Variants in ZSCAN5A observed in about 807,000 individuals in gnomAD.
The protein encoded by ZSCAN5A is zinc finger and SCAN domain-containing protein 5A.
In ZSCAN5A, 12 loss-of-function variants were observed where a neutral mutation model predicts 23.7. The ratio of observed to expected loss-of-function variants is 0.51; its 90% confidence interval spans 0.32 to 0.82. The LOEUF (loss-of-function observed/expected upper bound fraction) is 0.82, where lower values mean the gene tolerates loss of function less well. Ranked by LOEUF, ZSCAN5A falls within the 40% of genes least tolerant of loss-of-function variation. The pLI is 0.03. For synonymous variants in ZSCAN5A, 257 were observed against 239.9 expected (o/e 1.07, Z -0.66); for missense variants, 597 against 617.9 (o/e 0.97, Z 0.36).
intron 2 of ZSCAN5A, chr19:56,283,544 C>G (rs1314919252): frequency 6.6e-6 from 1 of 152,102 alleles, no homozygotes; most frequent in Non-Finnish European, 1.5e-5. Context: ...TCAGTGATAC[C>G]GAGAAAGGTG....
chr19:56,345,171 T>C (rs1250148827), intron 2 of ZSCAN5A, among the ~76,000 whole-genome samples: 1 of 152,138 alleles, frequency 6.6e-6, no homozygotes, highest in Non-Finnish European at 1.5e-5. Context: ...ATTACTTTAA[T>C]AATAATTTTA....
chr19:56,224,570 G>C (rs920030735), intron 3 of ZSCAN5A, 93 bp downstream of exon 3: 43 of 1,484,942 alleles, frequency 2.9e-5, no homozygotes, highest in Middle Eastern at 2.5e-4. Flanking sequence ...CCCTGACCTA[G>C]AGCAGCCCCT....
intron 2 of ZSCAN5A, among the ~76,000 whole-genome samples, chr19:56,329,471 G>A (rs575951506): frequency 1.1e-3 from 170 of 151,948 alleles, no homozygotes; most frequent in Non-Finnish European, 2.1e-3. Context: ...GAGAGTTATA[G>A]TATTAAGTAT....
chr19:56,273,807 C>A (rs942722628), intron 2 of ZSCAN5A, among the ~76,000 whole-genome samples: 1 of 152,046 alleles, frequency 6.6e-6, no homozygotes, highest in Non-Finnish European at 1.5e-5. Context: ...ATGTTATCCT[C>A]AGGGAAAAGG....
chr19:56,244,302 T>A, intron 2 of ZSCAN5A: 1 of 1,610,030 alleles, frequency 6.2e-7, no homozygotes, highest in Non-Finnish European at 8.5e-7. Flanking sequence ...CTGGACATGC[T>A]GGTGATGGAG....
At chr19:56,346,707 T>A (rs936849285) in intron 2 of ZSCAN5A, among the ~76,000 whole-genome samples, 2 of 151,646 alleles carry the variant, frequency 1.3e-5, no homozygotes, top group African/African-American at 4.9e-5. Flanking sequence ...ATTACTTTTT[T>A]TTATTTTTTA....
chr19:56,337,486 C>T (rs538558902), intron 2 of ZSCAN5A, among the ~76,000 whole-genome samples: 1 of 152,336 alleles, frequency 6.6e-6, no homozygotes, highest in African/African-American at 2.4e-5. Context: ...TCTGTTACCC[C>T]TTTCTTTGAC....
chr19:56,321,957 C>T (rs1246380924), intron 2 of ZSCAN5A: 1 of 780,592 alleles, frequency 1.3e-6, no homozygotes, highest in Non-Finnish European at 2.4e-6. Flanking sequence ...AGATATCTCA[C>T]ACCACCATGG....
chr19:56,282,051 T>G (rs1231346643), intron 2 of ZSCAN5A, among the ~76,000 whole-genome samples: 1 of 152,184 alleles, frequency 6.6e-6, no homozygotes, highest in African/African-American at 2.4e-5. Context: ...TGCTCTAGAA[T>G]GTACACCTGG....
intron 2 of ZSCAN5A, chr19:56,342,594 C>A: frequency 2.5e-6 from 1 of 401,288 alleles, no homozygotes; most frequent in Non-Finnish European, 5.0e-6. Context: ...CAGAAGCTGA[C>A]TCTGAACATC....
At position 56,366,312 on chromosome 19, in the gene ZSCAN5A, G is replaced by A. The variant is rs575184842; in HGVS notation, c.-522+1897C>T. ...AAAAAATTAGCTGGGTGTGGTGGCG[G>A]ATGCCTGTAGTCCCAGCTACTCGGG... On this transcript the variant is annotated intron_variant, in intron 1 of 6. Coordinates refer to the ZSCAN5A transcript ENST00000587340. 3.1e-3 allele frequency among the ~76,000 whole-genome samples: 469 copies of A among 151,534 alleles called. 1 individual carries two copies. Among genetic ancestry groups the A allele is most frequent in the African/African-American group, 0.011 (448 of 41,296 alleles).
At chr19:56,233,670 C>T (rs1011189307) in intron 2 of ZSCAN5A, among the ~76,000 whole-genome samples, 5 of 143,510 alleles carry the variant, frequency 3.5e-5, no homozygotes, top group African/African-American at 1.3e-4. Context: ...AAAAAAAATA[C>T]TACTGTTCAC....
intron 2 of ZSCAN5A, among the ~76,000 whole-genome samples, chr19:56,289,280 CTTTT>C (rs1460293803): frequency 6.6e-6 from 1 of 152,092 alleles, no homozygotes; most frequent in Non-Finnish European, 1.5e-5. Flanking sequence ...TAAGCTATGT[CTTTT>C]TTTATTTGGT....
chr19:56,233,223 C>A (rs925498728), intron 2 of ZSCAN5A, among the ~76,000 whole-genome samples: 4 of 152,094 alleles, frequency 2.6e-5, no homozygotes, highest in Non-Finnish European at 5.9e-5. Flanking sequence ...CATGTGCCTA[C>A]AGGATGGGGC....
intron 2 of ZSCAN5A, among the ~76,000 whole-genome samples, chr19:56,356,216 G>A (rs2041699541): frequency 6.7e-6 from 1 of 148,384 alleles, no homozygotes; most frequent in Non-Finnish European, 1.5e-5. Context: ...CTTTATTAAG[G>A]TGAGCACCTG....
chr19:56,358,462 C>T (rs1429668997), intron 2 of ZSCAN5A, among the ~76,000 whole-genome samples: 1 of 149,736 alleles, frequency 6.7e-6, no homozygotes, highest in Non-Finnish European at 1.5e-5. Context: ...GACTTGAATA[C>T]CCACCCAATA....
intron 2 of ZSCAN5A, among the ~76,000 whole-genome samples, chr19:56,264,716 A>G (rs114867992): frequency 0.028 from 4,314 of 152,306 alleles, 194 homozygotes; most frequent in African/African-American, 0.097. Context: ...AAGTTGAGTA[A>G]TTGCGACAGG....
intron 2 of ZSCAN5A, chr19:56,299,901 C>A (rs959239121): frequency 6.6e-6 from 1 of 152,186 alleles, no homozygotes; most frequent in Non-Finnish European, 1.5e-5. Flanking sequence ...ATGAGACGTT[C>A]TTGCTATCAC....
chr19:56,251,045 G>A (rs2146737169), intron 2 of ZSCAN5A, among the ~76,000 whole-genome samples: 1 of 151,942 alleles, frequency 6.6e-6, no homozygotes, highest in Non-Finnish European at 1.5e-5. Context: ...AGCTACTTGG[G>A]AAGCTGGGGC....
Sources: gnomAD v4.1 joint callset for allele counts (sites outside exome capture counted in the v4.1 genomes callset) on GRCh38, gnomAD v4.1.1 for gene constraint, MANE v1.5 for transcripts, NCBI Gene and HGNC (gene_info 2026-07-23, HGNC 2026-07-21) for gene names.